USP31: variants seen among roughly 807,000 people sequenced by gnomAD.
The protein encoded by USP31 is ubiquitin carboxyl-terminal hydrolase 31.
A neutral mutation model predicts 119.4 loss-of-function variants in USP31; 44 were observed. The ratio of observed to expected loss-of-function variants is 0.37; its 90% CI spans 0.29 to 0.47. The LOEUF (loss-of-function observed/expected upper bound fraction) is 0.47. Among genes scored for constraint, USP31 ranks in the 20% least tolerant of loss-of-function variants. The probability of loss-of-function intolerance (pLI) is 0.99; values close to 1 mark genes in which losing one functional copy is unlikely to be tolerated. For synonymous variants in USP31, 749 were observed against 705.6 expected (o/e 1.06, Z -0.97); for missense variants, 1,643 against 1,730.2 (o/e 0.95, Z 0.89).
intron 11 of USP31, 95 bp from the exon 12 acceptor site, chr16:23,082,652 A>T (rs952030918): frequency 3.9e-6 from 6 of 1,544,528 alleles, no homozygotes; most frequent in Non-Finnish European, 5.3e-6. Context: ...GTGCAACTCA[A>T]AATCTCTCTG....
At chr16:23,100,279 T>C (rs1471328354) in intron 6 of USP31, among the ~76,000 whole-genome samples, 1 of 152,166 alleles carries the variant, frequency 6.6e-6, no homozygotes, top group African/African-American at 2.4e-5. Context: ...CAAATGTTCA[T>C]TAACAATGAA....
intron 1 of USP31, among the ~76,000 whole-genome samples, chr16:23,133,597 T>G (rs1268427995): frequency 1.3e-5 from 2 of 152,206 alleles, no homozygotes; most frequent in Admixed American, 1.3e-4. Context: ...TGCTACCCTT[T>G]GAGGGAACAG....
intron 11 of USP31, among the ~76,000 whole-genome samples, chr16:23,083,420 G>A (rs146823542): frequency 1.3e-4 from 19 of 151,994 alleles, no homozygotes; most frequent in African/African-American, 3.4e-4. Context: ...GTACCAGTAC[G>A]ATACCTAACA....
At chr16:23,101,133 T>C (rs749036789) in intron 6 of USP31, among the ~76,000 whole-genome samples, 9 of 152,120 alleles carry the variant, frequency 5.9e-5, no homozygotes, top group Non-Finnish European at 1.2e-4. Context: ...TGTGGAGAAA[T>C]AACTAGACAG....
chr16:23,069,672 C>A, intron 15 of USP31, 56 bp from the exon 16 acceptor site: 1 of 1,522,568 alleles, frequency 6.6e-7, no homozygotes, highest in South Asian at 1.3e-5. Context: ...ATTCTAACAA[C>A]ACTGTAAGAC....
At position 23,072,033 on chromosome 16, in the gene USP31, AC is replaced by A; in HGVS notation, c.2488+11del. 1 of 1,604,688 alleles carries A rather than the reference AC, an allele frequency of 6.2e-7. No individual in the cohort carries two copies. The stretch of plus-strand genomic sequence containing the variant: ...ACCATTCTGGAAATTTGTCACCAAA[AC>A]CCACACCCACCATCATCTTCACTCC... On this transcript the variant is annotated intron_variant, in intron 15 of 15. Coordinates refer to ENST00000219689, the MANE Select transcript of USP31 (RefSeq NM_020718.4).
chr16:23,118,967 T>A (rs910387184), intron 1 of USP31, among the ~76,000 whole-genome samples: 2 of 152,162 alleles, frequency 1.3e-5, no homozygotes, highest in Middle Eastern at 3.4e-3. Context: ...TGCAAGGCTC[T>A]GTCTCAAAAA....
At chr16:23,096,715 A>C (rs4967968) in intron 6 of USP31, among the ~76,000 whole-genome samples, 1 of 152,188 alleles carries the variant, frequency 6.6e-6, no homozygotes, top group South Asian at 2.1e-4. Context: ...AACTACATGG[A>C]AACTGAAGAA....
chr16:23,090,159 C>A (rs756455407), intron 7 of USP31, among the ~76,000 whole-genome samples: 2 of 152,066 alleles, frequency 1.3e-5, no homozygotes, highest in Admixed American at 6.6e-5. Flanking sequence ...CCAAGGCGGG[C>A]GGATCGTCTG....
chr16:23,149,082 G>A lies in USP31; in HGVS notation c.189C>T (p.Ser63=). Residue 63 remains serine, a synonymous_variant, in exon 1 of 16, where the codon AGC becomes AGT. Coordinates refer to ENST00000219689, the MANE Select transcript of USP31 (RefSeq NM_020718.4). The part of the protein sequence containing the change: ...SSPSSARSVG[S]FMSRVLKTLS... ...GCGTCTTGAGAACGCGGCTCATGAA[G>A]CTGCCCACCGAGCGTGCAGAGGAGG... 7.8e-7 allele frequency: 1 copy of A among 1,277,032 alleles called. No individual in the cohort carries two copies. Among genetic ancestry groups the A allele is most frequent in the Non-Finnish European group, 1.0e-6 (1 of 987,888 alleles). The allele number at this position is 1,277,032 out of a possible 1,614,324, so 79.1% of individuals were successfully genotyped here.
chr16:23,072,499 G>A, intron 14 of USP31: 1 of 590,124 alleles, frequency 1.7e-6, no homozygotes, highest in Non-Finnish European at 3.0e-6. Context: ...GAATGGAATA[G>A]ACAAGCACTC....
chr16:23,131,417 C>T (rs1009412483), intron 1 of USP31, among the ~76,000 whole-genome samples: 29 of 152,158 alleles, frequency 1.9e-4, no homozygotes, highest in African/African-American at 6.8e-4. Context: ...CTCAGCCTCC[C>T]AAAGTGCTGG....
rs781482285 is a variant in USP31, at chr16:23,063,898, T to C, written c.*4148A>G. The C allele has an allele frequency of 2.0e-5, 3 of 152,200 alleles. No homozygotes were observed. Among genetic ancestry groups the C allele is most frequent in the Non-Finnish European group, 4.4e-5 (3 of 68,030 alleles). 9.4% of individuals were successfully genotyped at this position (152,200 alleles called of 1,614,324 possible). On this transcript the variant is annotated 3_prime_UTR_variant, in exon 16 of 16. Coordinates refer to ENST00000219689, the MANE Select transcript of USP31 (RefSeq NM_020718.4). ...ATGCATCTGCAAAATACTTTGAAAG[T>C]TGATCAAAAGGCAGTGTGAGAGTGT...
At chr16:23,079,758 C>T (rs751497723) in intron 13 of USP31, 188 bp downstream of exon 13, 4 of 547,252 alleles carry the variant, frequency 7.3e-6, no homozygotes, top group African/African-American at 2.0e-5. Flanking sequence ...CGACCCAACT[C>T]AGGAAAAGGA....
chr16:23,123,267 G>A (rs1320586046), intron 1 of USP31, among the ~76,000 whole-genome samples: 1 of 152,176 alleles, frequency 6.6e-6, no homozygotes, highest in Non-Finnish European at 1.5e-5. Context: ...GCTGGGCGCG[G>A]CAGCTCACGC....
At position 23,067,187 on chromosome 16, in the gene USP31, A is replaced by T. The variant is rs1314075545; in HGVS notation, c.*859T>A. ...TCAAAGGTGTTAACTGCTCTACTAC[A>T]GTGCAAAATTCCAAGAGCCTTAGCT... is the stretch of plus-strand genomic sequence containing the variant. On this transcript the variant is annotated 3_prime_UTR_variant, in exon 16 of 16. Transcript: ENST00000219689. 6 of 152,664 alleles carry T rather than the reference A, an allele frequency of 3.9e-5. No individual in the cohort carries two copies. Among genetic ancestry groups the T allele is most frequent in the African/African-American group, 1.4e-4 (6 of 41,466 alleles). 9.5% of individuals were successfully genotyped at this position (152,664 alleles called of 1,614,324 possible).
intron 1 of USP31, among the ~76,000 whole-genome samples, chr16:23,123,229 C>T (rs928803148): frequency 5.3e-5 from 8 of 152,116 alleles, no homozygotes; most frequent in Non-Finnish European, 2.9e-5. Flanking sequence ...GTATGTATGG[C>T]ATACTTCGTT....
chr16:23,130,416 C>T (rs1902993328), intron 1 of USP31, among the ~76,000 whole-genome samples: 1 of 151,820 alleles, frequency 6.6e-6, no homozygotes, highest in East Asian at 1.9e-4. Context: ...TGACACCCCC[C>T]CCCCAACTAA....
Position 23,087,825 on chromosome 16 carries a change from G to A in USP31, c.1426C>T (p.Pro476Ser). ...GTCTTCTCTAAGTGCAGCACAAAAG[G>A]CAGTCCAAATCTAACACACATCAAC... ...TGQQGKRFGL[P>S]FVLHLEKTIA... The change falls in exon 8 of 16, where the codon CCT becomes TCT. Residue 476 changes from proline (P) to serine (S), a missense_variant. This residue lies in a region of USP31 where 219 missense variants were observed against 226.4 expected (regional missense o/e 0.97). Transcript: ENST00000219689. The A allele has an allele frequency of 6.2e-7, 1 of 1,613,508 alleles. No homozygotes were observed. The highest frequency in any genetic ancestry group is 1.6e-4 in the Middle Eastern group (1 of 6,062).
Sources: allele counts gnomAD v4.1 joint callset (sites outside exome capture counted in the v4.1 genomes callset), GRCh38; gene constraint gnomAD v4.1.1; regional missense constraint gnomAD v4.1.1; transcripts MANE v1.5; gene names NCBI Gene and HGNC (gene_info 2026-07-23, HGNC 2026-07-21).